CAMTA1: variants seen among roughly 807,000 people sequenced by gnomAD.
CAMTA1 encodes the protein calmodulin-binding transcription activator 1.
A neutral mutation model predicts 170.9 loss-of-function variants in CAMTA1; 27 were observed. That is an observed-to-expected ratio of 0.16 (90% CI 0.12 to 0.22). CAMTA1 has a LOEUF of 0.22. Among genes scored for constraint, CAMTA1 ranks in the 10% least tolerant of loss-of-function variants. The pLI, the probability that CAMTA1 is intolerant of heterozygous loss-of-function variation, is 1.00. For missense variants in CAMTA1, 1,619 were observed against 2,217.2 expected (o/e 0.73, Z 5.42); for synonymous variants, 833 against 891.5 (o/e 0.93, Z 1.17).
intron 5 of CAMTA1, among the ~76,000 whole-genome samples, chr1:7,374,484 G>A (rs555528652): frequency 6.6e-6 from 1 of 152,338 alleles, no homozygotes; most frequent in African/African-American, 2.4e-5. Context: ...AGGAGGGGCC[G>A]CCAACAATGA....
At position 7,750,374 on chromosome 1, in the gene CAMTA1, G is replaced by A. The variant is rs139088307; in HGVS notation, c.4690-825G>A. Among the ~76,000 whole-genome samples, 20 of 152,268 alleles carry A rather than the reference G, an allele frequency of 1.3e-4. No homozygotes were observed. In the East Asian group the frequency reaches 1.4e-3, roughly 10 times the overall value. On this transcript the variant is annotated intron_variant, in intron 19 of 22. Transcript: ENST00000303635. ...TTTTTCCTTGCGACGGTAAGTTGCC[G>A]TCTTATAAGCAAAGGGCTTCATTGC...
intron 6 of CAMTA1, among the ~76,000 whole-genome samples, chr1:7,469,809 A>G (rs940099698): frequency 6.6e-6 from 1 of 152,166 alleles, no homozygotes; most frequent in Non-Finnish European, 1.5e-5. Flanking sequence ...GTCTGAGCTG[A>G]TGACTTCCCA....
At chr1:7,671,603 A>G (rs2096061154) in intron 10 of CAMTA1, among the ~76,000 whole-genome samples, 1 of 152,198 alleles carries the variant, frequency 6.6e-6, no homozygotes, top group Non-Finnish European at 1.5e-5. Flanking sequence ...CAATCTAACA[A>G]TAATCAGCAC....
intron 3 of CAMTA1, among the ~76,000 whole-genome samples, chr1:7,038,667 T>C (rs1037612204): frequency 6.6e-6 from 1 of 152,232 alleles, no homozygotes; most frequent in Non-Finnish European, 1.5e-5. Context: ...ATATCATTCA[T>C]TAGAGTTCAC....
chr1:7,592,982 C>A lies in CAMTA1; in HGVS notation c.511-47418C>A, dbSNP rs1320930002. ...CTCAGAGGCTTATTAAGGAATGTGT[C>A]CAAGTCCCACAGCATCTAGATGGTG... On this transcript the variant is annotated intron_variant, in intron 6 of 22. Transcript: ENST00000303635. The surrounding 1 kb of genome is among the most constrained non-coding windows in gnomAD (Gnocchi z 4.6). Among the ~76,000 whole-genome samples, 1 of 152,186 alleles carries A rather than the reference C, an allele frequency of 6.6e-6. No homozygotes were observed. The highest frequency in any genetic ancestry group is 2.4e-5 in the African/African-American group (1 of 41,436).
At chr1:7,511,519 A>G (rs564077686) in intron 6 of CAMTA1, among the ~76,000 whole-genome samples, 2 of 152,232 alleles carry the variant, frequency 1.3e-5, no homozygotes, top group African/African-American at 4.8e-5. Context: ...TGTTCCTGAG[A>G]TATGTCTGTG....
rs897023991 is a variant in CAMTA1 at position 7,532,133 on chromosome 1, C to T, written c.510+64232C>T. 4.6e-5 allele frequency among the ~76,000 whole-genome samples: 7 copies of T among 151,928 alleles called. No homozygotes were observed. Among genetic ancestry groups the T allele is most frequent in the African/African-American group, 1.7e-4 (7 of 41,260 alleles). On this transcript the variant is annotated intron_variant, in intron 6 of 22. Coordinates refer to ENST00000303635, the MANE Select transcript of CAMTA1 (RefSeq NM_015215.4). This position sits in a 1 kb window ranked among gnomAD's most constrained non-coding sequence, Gnocchi z 4.2. ...GACTCCAGCGGTACCTGGAGGCTCC[C>T]GGGCCCACCCGAGCCCTAAGCTGCA... is the stretch of plus-strand genomic sequence containing the variant.
chr1:6,988,307 AC>A (rs1394357498), intron 3 of CAMTA1, among the ~76,000 whole-genome samples: 1 of 151,902 alleles, frequency 6.6e-6, no homozygotes, highest in African/African-American at 2.4e-5. Flanking sequence ...GCATCCCGGC[AC>A]CCCACCAAGT....
chr1:6,857,704 A>G (rs1031092749), intron 3 of CAMTA1, among the ~76,000 whole-genome samples: 1 of 152,252 alleles, frequency 6.6e-6, no homozygotes, highest in Middle Eastern at 3.2e-3. Context: ...GAATGTCTGT[A>G]TGACAGGCAA....
chr1:7,664,381 C>G lies in CAMTA1; in HGVS notation c.1834C>G (p.Pro612Ala), dbSNP rs772213448. ...CCACAGCCCCCACATCCACCAGACC[C>G]CCTCCCCGAGCTTCTTCCTGCAGGA... ...TGHSPHIHQT[P>A]SPSFFLQDAS... The change falls in exon 9 of 23, where the codon CCC (proline) becomes GCC (alanine). Residue 612 changes from proline (P) to alanine (A), a missense_variant. Pro to Ala is a conservative substitution (Grantham distance 27). Coordinates refer to ENST00000303635, the MANE Select transcript of CAMTA1 (RefSeq NM_015215.4). 1.9e-6 allele frequency: 3 copies of G among 1,613,620 alleles called. No homozygotes were observed. The African/African-American group carries it at 4.0e-5, about 22-fold the overall frequency.
chr1:7,104,167 TAC>T (rs1209126714), intron 4 of CAMTA1, among the ~76,000 whole-genome samples: 2 of 142,882 alleles, frequency 1.4e-5, no homozygotes, highest in African/African-American at 5.3e-5. Flanking sequence ...TGCATACAAC[TAC>T]ACACATATAC....
intron 4 of CAMTA1, among the ~76,000 whole-genome samples, chr1:7,209,906 C>T (rs1658446863): frequency 6.6e-6 from 1 of 152,116 alleles, no homozygotes; most frequent in South Asian, 2.1e-4. Context: ...ACGCAGATTC[C>T]CGATATTAAC....
rs2096904459 is a variant in CAMTA1 at position 7,752,546 on chromosome 1, TTG to T, written c.4958+15_4958+16del. 3 of 1,588,044 alleles carry T rather than the reference TTG, an allele frequency of 1.9e-6. No individual in the cohort carries two copies. The African/African-American group carries it at 4.0e-5, about 21-fold the overall frequency. Reference sequence around the variant, plus strand: ...GCTGTCGCCACAGGTACACTAGTCCTTGTTTATACATTCTGCTCAGGGAGAAT... The same window carrying T: ...GCTGTCGCCACAGGTACACTAGTCCTTTTATACATTCTGCTCAGGGAGAAT... On this transcript the variant is annotated intron_variant, in intron 21 of 22. Transcript: ENST00000303635.
rs1177631956 is a variant in CAMTA1, at chr1:7,449,011, G to A, written c.439-18819G>A. Among the ~76,000 whole-genome samples, 9 of 152,352 alleles carry A rather than the reference G, an allele frequency of 5.9e-5. No individual in the cohort carries two copies. The South Asian group carries it at 1.7e-3, about 28-fold the overall frequency. On this transcript the variant is annotated intron_variant, in intron 5 of 22. Coordinates refer to ENST00000303635, the MANE Select transcript of CAMTA1 (RefSeq NM_015215.4). Reference sequence around the variant, plus strand: ...TTCCCAAAACAAACAATAACCTGTCGTGAACATTGATACCAACATGGTCTG... The same window carrying A: ...TTCCCAAAACAAACAATAACCTGTCATGAACATTGATACCAACATGGTCTG...
At chr1:7,128,162 G>A (rs1019163124) in intron 4 of CAMTA1, among the ~76,000 whole-genome samples, 3 of 152,150 alleles carry the variant, frequency 2.0e-5, no homozygotes, top group Non-Finnish European at 4.4e-5. Flanking sequence ...AAGTGCGTCC[G>A]GTGTGACTCC....
chr1:7,488,091 TCTCTCTAGAAC>T (rs2093641236), intron 6 of CAMTA1, among the ~76,000 whole-genome samples: 1 of 152,164 alleles, frequency 6.6e-6, no homozygotes, highest in Non-Finnish European at 1.5e-5. Flanking sequence ...TCTCTCTGGG[TCTCTCTAGAAC>T]CTCTCTAGAA....
At chr1:7,647,282 G>GA (rs892545651) in intron 7 of CAMTA1, among the ~76,000 whole-genome samples, 4 of 151,658 alleles carry the variant, frequency 2.6e-5, no homozygotes, top group African/African-American at 9.7e-5. Context: ...TCCAGAAGGG[G>GA]GGGGGGCTGT....
At chr1:7,296,950 A>G (rs1471261595) in intron 5 of CAMTA1, among the ~76,000 whole-genome samples, 2 of 152,202 alleles carry the variant, frequency 1.3e-5, no homozygotes, top group South Asian at 2.1e-4. Context: ...CCAGGAAAGC[A>G]TGGTGACCTG....
intron 4 of CAMTA1, among the ~76,000 whole-genome samples, chr1:7,172,573 T>G (rs1400307322): frequency 6.6e-6 from 1 of 152,190 alleles, no homozygotes; most frequent in East Asian, 1.9e-4. Context: ...ATGGAGCGAC[T>G]TAATGAGCAC....
Sources: allele counts gnomAD v4.1 joint callset (sites outside exome capture counted in the v4.1 genomes callset), GRCh38; gene constraint gnomAD v4.1.1; non-coding constraint Gnocchi (gnomAD v3.1); transcripts MANE v1.5; gene names NCBI Gene and HGNC (gene_info 2026-07-23, HGNC 2026-07-21).